Variants in ZGRF1 observed in about 807,000 individuals in gnomAD.
The protein encoded by ZGRF1 is 5'-3' DNA helicase ZGRF1.
A neutral mutation model predicts 203.5 loss-of-function variants in ZGRF1; 196 were observed. The observed-to-expected ratio is 0.96, with a 90% CI of 0.86 to 1.08. The LOEUF (loss-of-function observed/expected upper bound fraction) is 1.08. Among genes scored for constraint, ZGRF1 ranks in the 50% least tolerant of loss-of-function variants. The probability of loss-of-function intolerance (pLI) is 0.00; values close to 1 mark genes in which losing one functional copy is unlikely to be tolerated. For missense variants in ZGRF1, 2,326 were observed against 2,416.3 expected, an observed-to-expected ratio of 0.96 and a Z score of 0.78; for synonymous variants, 809 against 841.3, an observed-to-expected ratio of 0.96 and a Z score of 0.66.
At position 112,617,545 on chromosome 4, in the gene ZGRF1, A is replaced by T. The variant is rs1431661485; in HGVS notation, c.2497T>A (p.Cys833Ser). 1 of 1,613,616 alleles carries T rather than the reference A, an allele frequency of 6.2e-7. No homozygotes were observed. Among genetic ancestry groups the T allele is most frequent in the Non-Finnish European group, 8.5e-7 (1 of 1,179,824 alleles). ...CTGTCTAAAGCAGTACTGTGTTCAC[A>T]TAGCGACTTTAAAATAGAAATGGTA... ...VNTISILKSL[C>S]EHSTALDSLE... The change falls in exon 6 of 28, where the codon TGT becomes AGT. Residue 833 changes from cysteine (C) to serine (S), a missense_variant. Coordinates refer to ENST00000505019, the MANE Select transcript of ZGRF1 (RefSeq NM_018392.5).
At position 112,609,378 on chromosome 4, in the gene ZGRF1, C is replaced by A; in HGVS notation, c.2718+1G>T. ...GCTAATTTATATTTTAAATAACTTA[C>A]CTGCACAGACTGAAGTGGTTCACTT... On this transcript the variant is annotated splice_donor_variant, in intron 8 of 27. Transcript: ENST00000505019. LOFTEE classifies it high-confidence loss of function. 2 of 1,532,926 alleles carry A rather than the reference C, an allele frequency of 1.3e-6. No homozygotes were observed. The highest frequency in any genetic ancestry group is 2.5e-5 in the East Asian group (1 of 40,410). 95.0% of individuals were successfully genotyped at this position (1,532,926 alleles called of 1,614,324 possible).
intron 13 of ZGRF1, among the ~76,000 whole-genome samples, 180 bp downstream of exon 13, chr4:112,586,265 T>C (rs1454839219): frequency 6.6e-6 from 1 of 151,996 alleles, no homozygotes; most frequent in Non-Finnish European, 1.5e-5. Flanking sequence ...GATTGTAATT[T>C]CCCACTTTTA....
In ZGRF1 at chr4:112,589,718, G is replaced by C. The variant is rs773962344; in HGVS notation, c.3127+6C>G. ...ACAGATATTAGAGCAATGTGGTAAC[G>C]ACTACCCTCCAAGTTGAGAAAATGA... On this transcript the variant is annotated splice_donor_region_variant and intron_variant, in intron 11 of 27. Transcript: ENST00000505019. 1.2e-6 allele frequency: 2 copies of C among 1,613,036 alleles called. No homozygotes were observed. The highest frequency in any genetic ancestry group is 2.2e-5 in the South Asian group (2 of 91,014).
rs188628195 is a variant in ZGRF1, at chr4:112,558,317, T to C, written c.4961-8A>G. ...TTCCTGCTCCAAACACACCTAATTA[T>C]TTTAAAAGAAGAAAAAAATAAAAAG... On this transcript the variant is annotated splice_region_variant and splice_polypyrimidine_tract_variant and intron_variant, in intron 19 of 27. Coordinates refer to ENST00000505019, the MANE Select transcript of ZGRF1 (RefSeq NM_018392.5). 2.3e-5 allele frequency: 34 copies of C among 1,495,614 alleles called. No homozygotes were observed. The East Asian group carries it at 8.3e-4, about 36-fold the overall frequency. 92.6% of individuals were successfully genotyped at this position (1,495,614 alleles called of 1,614,324 possible).
chr4:112,589,960 T>C, intron 10 of ZGRF1, 86 bp from the exon 11 acceptor site: 2 of 981,288 alleles, frequency 2.0e-6, no homozygotes, highest in Non-Finnish European at 2.9e-6. Flanking sequence ...ATCTATATTA[T>C]AAAAATAATG....
intron 2 of ZGRF1, among the ~76,000 whole-genome samples, chr4:112,632,395 C>T (rs1578506953): frequency 1.3e-5 from 2 of 152,268 alleles, no homozygotes; most frequent in East Asian, 3.9e-4. Flanking sequence ...TTACACAGTA[C>T]TAATAATCTG....
rs752777876 is a variant in ZGRF1, at chr4:112,617,417, C to T, written c.2602+23G>A. 5.3e-6 allele frequency: 8 copies of T among 1,498,308 alleles called. No individual in the cohort carries two copies. The Admixed American group carries it at 1.4e-4, about 26-fold the overall frequency. The allele number at this position is 1,498,308 out of a possible 1,614,324, so 92.8% of individuals were successfully genotyped here. A position where few individuals can be genotyped will look rare whatever the true frequency, so the allele number is the denominator to read the frequency against. ...TCAAAGACCTATAAAGAAAACATTCCAAAATAGACATGCAATTCTAACCTT... is the reference window on the plus strand; with the variant it reads ...TCAAAGACCTATAAAGAAAACATTCTAAAATAGACATGCAATTCTAACCTT... On this transcript the variant is annotated intron_variant, in intron 6 of 27. Transcript: ENST00000505019.
At chr4:112,633,075 C>A (rs1431085253) in intron 2 of ZGRF1, 81 bp downstream of exon 2, 16 of 1,270,720 alleles carry the variant, frequency 1.3e-5, no homozygotes, top group Non-Finnish European at 1.5e-5. Flanking sequence ...GGCAACACAG[C>A]AAGATGTTTG....
At chr4:112,622,938 C>T (rs1390487551) in intron 4 of ZGRF1, among the ~76,000 whole-genome samples, 2 of 152,026 alleles carry the variant, frequency 1.3e-5, no homozygotes, top group Non-Finnish European at 2.9e-5. Flanking sequence ...AAGTCTAGTA[C>T]CCATTATTTT....
At chr4:112,609,700 A>T (rs1751296483) in intron 7 of ZGRF1, among the ~76,000 whole-genome samples, 1 of 151,990 alleles carries the variant, frequency 6.6e-6, no homozygotes, top group African/African-American at 2.4e-5. Context: ...CAGGAGGCTT[A>T]GGCAGGAGAA....
intron 8 of ZGRF1, 33 bp downstream of exon 8, chr4:112,609,346 C>G: frequency 7.3e-7 from 1 of 1,369,098 alleles, no homozygotes; most frequent in Non-Finnish European, 9.9e-7. Flanking sequence ...AGCCACCATG[C>G]CCAGGGGCTA....
At chr4:112,605,764 A>G (rs2149104488) in intron 9 of ZGRF1, 1 of 436,214 alleles carries the variant, frequency 2.3e-6, no homozygotes, top group Non-Finnish European at 4.1e-6. Context: ...AGAGTATCCT[A>G]TGTACGGAAG....
chr4:112,625,698 A>AC (rs1371255435), intron 3 of ZGRF1, among the ~76,000 whole-genome samples: 4 of 151,842 alleles, frequency 2.6e-5, no homozygotes, highest in African/African-American at 7.3e-5. Context: ...GGAGTTCGAG[A>AC]CCAGCCTGAC....
At chr4:112,561,379 T>C (rs1741952709) in intron 18 of ZGRF1, 1 of 171,746 alleles carries the variant, frequency 5.8e-6, no homozygotes, top group South Asian at 1.4e-4. Context: ...TGCTCTATTA[T>C]ACAAACCTAA....
chr4:112,597,312 G>A (rs1027574736), intron 10 of ZGRF1, among the ~76,000 whole-genome samples: 52 of 151,340 alleles, frequency 3.4e-4, no homozygotes, highest in African/African-American at 1.1e-3. Flanking sequence ...GAACACTTGA[G>A]GGCAGGAGTT....
At chr4:112,582,226 T>A (rs1490640142) in intron 15 of ZGRF1, among the ~76,000 whole-genome samples, 1 of 152,052 alleles carries the variant, frequency 6.6e-6, no homozygotes, top group Non-Finnish European at 1.5e-5. Context: ...ACAATTCTTC[T>A]CTTCTAGTTA....
chr4:112,617,776 A>AT lies in ZGRF1; in HGVS notation c.2265dup (p.Ser756IlefsTer29). ...AAAGAATTGGAAATGTGGGTATTTG[A>AT]TTTATCAAGTGCAATACATTCATAG... On this transcript the variant is annotated frameshift_variant, in exon 6 of 28. Transcript: ENST00000505019. LOFTEE classifies it high-confidence loss of function. 6.2e-7 allele frequency: 1 copy of AT among 1,613,998 alleles called. No individual in the cohort carries two copies. The highest frequency in any genetic ancestry group is 8.5e-7 in the Non-Finnish European group (1 of 1,179,916).
intron 10 of ZGRF1, among the ~76,000 whole-genome samples, chr4:112,591,921 T>C (rs533356925): frequency 1.9e-3 from 294 of 152,270 alleles, no homozygotes; most frequent in Non-Finnish European, 3.0e-3. Flanking sequence ...GTAAGTTCTA[T>C]GAGGGAAAGA....
In ZGRF1 at chr4:112,597,387, G is replaced by A. The variant is rs1749205743; in HGVS notation, c.2976+6137C>T. On this transcript the variant is annotated intron_variant, in intron 10 of 27. Transcript: ENST00000505019. ...AAGTTTTTAAAAATTAGCCAGGTGT[G>A]GTGGTGTGCATCTGTAATCCCAGCT... 2.0e-5 allele frequency among the ~76,000 whole-genome samples: 3 copies of A among 151,728 alleles called. No homozygotes were observed. The South Asian group carries it at 6.3e-4, about 32-fold the overall frequency.
Sources: gnomAD v4.1 joint callset for allele counts (sites outside exome capture counted in the v4.1 genomes callset) on GRCh38, gnomAD v4.1.1 for gene constraint, MANE v1.5 for transcripts, NCBI Gene and HGNC (gene_info 2026-07-23, HGNC 2026-07-21) for gene names.